ZNF717: variants seen among roughly 807,000 people sequenced by gnomAD.
ZNF717 encodes the protein krueppel-like factor X17.
ZNF717 carries 9 observed loss-of-function variants against 13.8 expected under a neutral mutation model. That is an observed-to-expected ratio of 0.65 (90% CI 0.39 to 1.14). ZNF717 has a LOEUF of 1.14. Among genes scored for constraint, ZNF717 ranks in the 50% most tolerant of loss-of-function variants. The pLI, the probability that ZNF717 is intolerant of heterozygous loss-of-function variation, is 0.01. For synonymous variants in ZNF717, 327 were observed against 364.1 expected, an observed-to-expected ratio of 0.90 and a Z score of 1.16; for missense variants, 1,040 against 1,080.7, an observed-to-expected ratio of 0.96 and a Z score of 0.53.
chr3:75,708,019 G>A (rs1177615868), downstream of ZNF717, among the ~76,000 whole-genome samples: 1 of 84,486 alleles, frequency 1.2e-5, no homozygotes, highest in East Asian at 3.6e-4. Flanking sequence ...CTCCACCTCT[G>A]GGGGCAGGGC....
intron 4 of ZNF717, among the ~76,000 whole-genome samples, chr3:75,740,822 A>C (rs1337418038): frequency 4.6e-5 from 7 of 152,184 alleles, no homozygotes; most frequent in African/African-American, 1.4e-4. Flanking sequence ...TAGAGTGAGA[A>C]TCATCTGTTT....
At chr3:75,757,967 A>AT (rs200137486) in intron 2 of ZNF717, among the ~76,000 whole-genome samples, 8 of 149,018 alleles carry the variant, frequency 5.4e-5, no homozygotes, top group Non-Finnish European at 8.9e-5. Context: ...AAAAAAAAAA[A>AT]TTTATCTGAG....
chr3:75,738,370 G>C lies in ZNF717; in HGVS notation c.1253C>G (p.Thr418Arg), dbSNP rs1195720344. 1.4e-5 allele frequency: 21 copies of C among 1,541,504 alleles called. No individual in the cohort carries two copies. The highest frequency in any genetic ancestry group is 1.8e-5 in the Non-Finnish European group (21 of 1,140,116). The change falls in exon 5 of 5, where the codon ACA (threonine) becomes AGA (arginine). Residue 418 changes from threonine to arginine, a missense_variant. By Grantham distance (71) the Thr-to-Arg change is moderately conservative (BLOSUM62 -1). Coordinates refer to ENST00000652011, the MANE Select transcript of ZNF717 (RefSeq NM_001290208.3). ...GTCACATGCATAGGGCTTTTCCCCT[G>C]TGTGAGTTCTATGATGTATTGTGAG... ...SYLTIHHRTHTGEKPYACDHC... is the reference protein window; with the variant it reads ...SYLTIHHRTHRGEKPYACDHC...
chr3:75,739,121 G>A lies in ZNF717; in HGVS notation c.502C>T (p.Pro168Ser). ...GACTGTGTCTCCCCAGGCTTAATAG[G>A]GAAAAGCATGTTCTGGCAATCATTA... Reference protein sequence around the residue: ...QFNDCQNMLFPIKPGETQSGE... With the variant: ...QFNDCQNMLFSIKPGETQSGE... The change falls in exon 5 of 5, where the codon CCT (proline) becomes TCT (serine). Residue 168 changes from proline to serine, a missense_variant. Coordinates refer to ENST00000652011, the MANE Select transcript of ZNF717 (RefSeq NM_001290208.3). The A allele has an allele frequency of 1.3e-6, 2 of 1,550,830 alleles. No homozygotes were observed. Among genetic ancestry groups the A allele is most frequent in the East Asian group, 2.4e-5 (1 of 40,888 alleles).
At chr3:75,699,440 T>C (rs1575757824) in intron 6 of ZNF717, among the ~76,000 whole-genome samples, 1 of 152,424 alleles carries the variant, frequency 6.6e-6, no homozygotes, top group East Asian at 1.9e-4. Context: ...GGGAGGTGAT[T>C]GAATCATGAC....
chr3:75,725,693 AAG>A (rs1461479257), downstream of ZNF717, among the ~76,000 whole-genome samples: 1 of 71,786 alleles, frequency 1.4e-5, no homozygotes, highest in Non-Finnish European at 4.5e-5. Context: ...GGCAGCAGAC[AAG>A]AGAGAGCATG....
chr3:75,784,404 G>A (rs1175132670), intron 1 of ZNF717, among the ~76,000 whole-genome samples: 1 of 152,220 alleles, frequency 6.6e-6, no homozygotes, highest in African/African-American at 2.4e-5. Flanking sequence ...TACGTAGGGG[G>A]AGAAAGTCTT....
intron 2 of ZNF717, among the ~76,000 whole-genome samples, chr3:75,748,384 C>A (rs1941371350): frequency 2.0e-5 from 3 of 151,982 alleles, no homozygotes; most frequent in African/African-American, 4.8e-5. Flanking sequence ...GAGACATAAT[C>A]AAAAAAGAGA....
At chr3:75,781,642 G>A (rs1210493588) in intron 2 of ZNF717, among the ~76,000 whole-genome samples, 2 of 152,120 alleles carry the variant, frequency 1.3e-5, no homozygotes, top group African/African-American at 2.4e-5. Flanking sequence ...TCATTTATAA[G>A]ACATCAAGGG....
At chr3:75,717,985 A>C (rs1465781606) in intron 4 of ZNF717, among the ~76,000 whole-genome samples, 12 of 152,168 alleles carry the variant, frequency 7.9e-5, no homozygotes, top group Non-Finnish European at 1.5e-4. Context: ...TCCCAAGGAG[A>C]CTGGAAGCAT....
chr3:75,719,293 A>T (rs1380612695), intron 4 of ZNF717, among the ~76,000 whole-genome samples: 5 of 151,790 alleles, frequency 3.3e-5, no homozygotes, highest in Admixed American at 2.6e-4. Flanking sequence ...TCAAAAAAAA[A>T]AAAAAGAATA....
At position 75,781,653 on chromosome 3, in the gene ZNF717, C is replaced by T. The variant is rs577628805; in HGVS notation, c.57+1653G>A. On this transcript the variant is annotated intron_variant, in intron 2 of 4. Coordinates refer to ENST00000652011, the MANE Select transcript of ZNF717 (RefSeq NM_001290208.3). ...TCCTTCATTTATAAGACATCAAGGG[C>T]TCCTTACCCACTCCCTTTCCTCAAG... 2.0e-5 allele frequency among the ~76,000 whole-genome samples: 3 copies of T among 152,312 alleles called. No homozygotes were observed. The East Asian group carries it at 5.8e-4, about 29-fold the overall frequency.
intron 2 of ZNF717, among the ~76,000 whole-genome samples, chr3:75,768,943 G>A (rs1040236678): frequency 6.6e-6 from 1 of 152,220 alleles, no homozygotes; most frequent in East Asian, 1.9e-4. Flanking sequence ...GGATTCAGAT[G>A]GGCTCCAGCC....
chr3:75,783,442 T>C (rs2107767204), intron 1 of ZNF717, 78 bp from the exon 2 acceptor site: 2 of 1,135,444 alleles, frequency 1.8e-6, no homozygotes, highest in East Asian at 2.6e-5. Flanking sequence ...CCCAACACTC[T>C]AGACACATTA....
intron 2 of ZNF717, among the ~76,000 whole-genome samples, chr3:75,763,599 T>C (rs1399685324): frequency 6.7e-6 from 1 of 149,152 alleles, no homozygotes; most frequent in Non-Finnish European, 1.5e-5. Context: ...CTATCTCTCC[T>C]GGATTCCAAT....
chr3:75,738,605 C>T lies in ZNF717; in HGVS notation c.1018G>A (p.Gly340Arg), dbSNP rs755304655. 6.4e-7 allele frequency: 1 copy of T among 1,551,330 alleles called. No individual in the cohort carries two copies. The highest frequency in any genetic ancestry group is 8.7e-7 in the Non-Finnish European group (1 of 1,146,710). ...AAGGTTTTACCACATTCATTGCATC[C>T]ATAGGGCTTTTCCCCTGTGTGAATT... ...QRIHTGEKPY[G>R]CNECGKTFRR... The change falls in exon 5 of 5, where the codon GGA becomes AGA. Residue 340 changes from glycine to arginine, a missense_variant. Physicochemically the swap from Gly to Arg is moderately radical, Grantham distance 125 (BLOSUM62 -2). Around this residue, in one of 3 missense-constraint regions of ZNF717, gnomAD observed 873 missense variants for 832.8 expected, o/e 1.05. Transcript: ENST00000652011.
chr3:75,695,132 G>T (rs1937590178), intron 6 of ZNF717, among the ~76,000 whole-genome samples: 1 of 152,190 alleles, frequency 6.6e-6, no homozygotes, highest in South Asian at 2.1e-4. Flanking sequence ...AAAATAAAAG[G>T]ATGGAAAAAG....
Position 75,755,255 on chromosome 3 carries a change from T to A in ZNF717, c.58-13519A>T, listed in dbSNP as rs188496637. On this transcript the variant is annotated intron_variant, in intron 2 of 4. Transcript: ENST00000652011. ...ACTGAAACCTGGATCAACATTTTTT[T>A]AAAAAGAGCATTAAAGAAAGAATTG... 6.1e-3 allele frequency among the ~76,000 whole-genome samples: 934 copies of A among 152,260 alleles called. 3 individuals carry two copies. The highest frequency in any genetic ancestry group is 0.02 in the African/African-American group (838 of 41,518).
chr3:75,746,151 G>A (rs1486209934), intron 2 of ZNF717, among the ~76,000 whole-genome samples: 2 of 152,102 alleles, frequency 1.3e-5, no homozygotes, highest in African/African-American at 4.8e-5. Context: ...GAGACAGTTT[G>A]CTCAGAATGA....
Sources: gnomAD v4.1 joint callset for allele counts (sites outside exome capture counted in the v4.1 genomes callset) on GRCh38, gnomAD v4.1.1 for gene constraint, gnomAD v4.1.1 regional missense constraint, MANE v1.5 for transcripts, NCBI Gene and HGNC (gene_info 2026-07-23, HGNC 2026-07-21) for gene names.